Variants in ANLN observed in about 807,000 individuals in gnomAD.
The protein encoded by ANLN is anillin.
ANLN carries 59 observed loss-of-function variants against 135.1 expected under a neutral mutation model. The ratio of observed to expected loss-of-function variants is 0.44; its 90% CI spans 0.35 to 0.54. The LOEUF is 0.54. Among genes scored for constraint, ANLN ranks in the 20% least tolerant of loss-of-function variants. The pLI, the probability that ANLN is intolerant of heterozygous loss-of-function variation, is 0.00. For missense variants in ANLN, 1,182 were observed against 1,340.0 expected (o/e 0.88, Z 1.84); for synonymous variants, 406 against 456.4 (o/e 0.89, Z 1.41).
chr7:36,449,532 C>T, intron 22 of ANLN, 133 bp from the exon 23 acceptor site: 2 of 642,602 alleles, frequency 3.1e-6, no homozygotes, highest in Admixed American at 3.4e-5. Context: ...TTCTCTAAGC[C>T]CAGTGTAACT....
chr7:36,442,642 A>T (rs535111226), intron 21 of ANLN, among the ~76,000 whole-genome samples: 2 of 151,546 alleles, frequency 1.3e-5, no homozygotes, highest in East Asian at 1.9e-4. Flanking sequence ...ATTTTTATAT[A>T]TTTTTTTGAG....
At chr7:36,431,594 TGTGTATATATATATATATATATA>T (rs1404546749) in intron 20 of ANLN, among the ~76,000 whole-genome samples, 5 of 16,494 alleles carry the variant, frequency 3.0e-4, no homozygotes, top group African/African-American at 5.3e-4. Flanking sequence ...TGTGTGTGTG[TGTGTATATATATATATATATATA>T]ATATATATAT....
intron 9 of ANLN, among the ~76,000 whole-genome samples, chr7:36,417,674 CTTTTTTT>C (rs70977138): frequency 1.6e-4 from 16 of 97,276 alleles, no homozygotes; most frequent in East Asian, 8.6e-4. Flanking sequence ...CTCAAACTTC[CTTTTTTT>C]TTTTTTTTTT....
At chr7:36,445,161 C>CTTTTTTTTTTTTTTTTTTT (rs70977145) in intron 22 of ANLN, among the ~76,000 whole-genome samples, 3 of 57,784 alleles carry the variant, frequency 5.2e-5, no homozygotes, top group African/African-American at 6.8e-5. Context: ...ATTTGGGATT[C>CTTTTTTTTTTTTTTTTTTT]TTTTTTTTTT....
At chr7:36,445,767 T>C (rs1038046887) in intron 22 of ANLN, among the ~76,000 whole-genome samples, 5 of 152,210 alleles carry the variant, frequency 3.3e-5, no homozygotes, top group Admixed American at 6.5e-5. Context: ...GTTGTAGGGT[T>C]TGCACATCTA....
At position 36,425,574 on chromosome 7, in the gene ANLN, G is replaced by A. The variant is rs550068729; in HGVS notation, c.2710-128G>A. On this transcript the variant is annotated intron_variant, in intron 17 of 23. Coordinates refer to ENST00000265748, the MANE Select transcript of ANLN (RefSeq NM_018685.5). ...CTCCCAAAGTGATGGGATTACAGGC[G>A]TGAGCCACTGCTCCCGGCTAAGAAT... 2.7e-4 allele frequency: 201 copies of A among 754,216 alleles called. 1 individual carries two copies. The highest frequency in any genetic ancestry group is 9.0e-4 in the South Asian group (47 of 52,068). 46.7% of individuals were successfully genotyped at this position (754,216 alleles called of 1,614,324 possible). A position where few individuals can be genotyped will look rare whatever the true frequency, so the allele number is the denominator to read the frequency against.
chr7:36,405,045 T>C (rs1403255250), intron 3 of ANLN, among the ~76,000 whole-genome samples: 1 of 152,244 alleles, frequency 6.6e-6, no homozygotes, highest in Admixed American at 6.5e-5. Context: ...ATACCACATA[T>C]TGACGTTTTG....
chr7:36,394,791 G>C (rs974097004), intron 1 of ANLN, among the ~76,000 whole-genome samples: 2 of 152,120 alleles, frequency 1.3e-5, no homozygotes, highest in Admixed American at 1.3e-4. Flanking sequence ...GAGTATGCAA[G>C]GCAGTAATAA....
intron 3 of ANLN, among the ~76,000 whole-genome samples, chr7:36,400,652 G>A (rs573582674): frequency 3.3e-5 from 5 of 152,194 alleles, no homozygotes; most frequent in Non-Finnish European, 4.4e-5. Flanking sequence ...ATGAGCCACC[G>A]CATCCAGCAG....
chr7:36,441,373 G>A (rs1000970703), intron 21 of ANLN, among the ~76,000 whole-genome samples: 4 of 152,160 alleles, frequency 2.6e-5, no homozygotes, highest in East Asian at 1.9e-4. Flanking sequence ...TGGATTCCCC[G>A]ACATAACTTC....
At chr7:36,427,871 A>C (rs1788151764) in intron 20 of ANLN, among the ~76,000 whole-genome samples, 1 of 152,158 alleles carries the variant, frequency 6.6e-6, no homozygotes, top group Non-Finnish European at 1.5e-5. Context: ...GAGTAAGACA[A>C]CTAGAGGCAA....
At chr7:36,451,309 T>C (rs1789233336) in intron 23 of ANLN, among the ~76,000 whole-genome samples, 1 of 152,166 alleles carries the variant, frequency 6.6e-6, no homozygotes, top group Admixed American at 6.5e-5. Context: ...TGATCTCTAC[T>C]GCATACTTCA....
intron 20 of ANLN, among the ~76,000 whole-genome samples, chr7:36,427,405 C>T (rs76574253): frequency 0.038 from 5,793 of 152,044 alleles, 156 homozygotes; most frequent in Middle Eastern, 0.065. Flanking sequence ...GACAGGGTCT[C>T]ACTCTGTCAC....
intron 3 of ANLN, among the ~76,000 whole-genome samples, chr7:36,403,079 T>G (rs1787026783): frequency 6.6e-6 from 1 of 152,106 alleles, no homozygotes; most frequent in Non-Finnish European, 1.5e-5. Flanking sequence ...ATCGCGCCAT[T>G]ACATTCCAGC....
intron 19 of ANLN, 30 bp from the exon 20 acceptor site, chr7:36,426,886 A>G (rs1432122988): frequency 1.4e-6 from 2 of 1,425,586 alleles, no homozygotes; most frequent in Non-Finnish European, 1.9e-6. Context: ...AGTCATTCTG[A>G]ACTAAACTTA....
chr7:36,390,368 C>T (rs1314219607), intron 1 of ANLN: 9 of 399,116 alleles, frequency 2.3e-5, no homozygotes, highest in Non-Finnish European at 4.2e-5. Flanking sequence ...GAGGCGCAGG[C>T]CTGCGGAACG....
intron 22 of ANLN, among the ~76,000 whole-genome samples, chr7:36,447,977 C>T (rs542248183): frequency 1.3e-5 from 2 of 152,210 alleles, no homozygotes; most frequent in South Asian, 2.1e-4. Flanking sequence ...CCCCTGCCAT[C>T]ACCTCATGGA....
At chr7:36,397,105 G>T (rs1051371749) in intron 2 of ANLN, among the ~76,000 whole-genome samples, 1 of 151,818 alleles carries the variant, frequency 6.6e-6, no homozygotes, top group African/African-American at 2.4e-5. Flanking sequence ...TAATACAACT[G>T]TAAAATAAAA....
chr7:36,414,164 G>T (rs746192679), intron 7 of ANLN, among the ~76,000 whole-genome samples: 3 of 152,178 alleles, frequency 2.0e-5, no homozygotes, highest in Non-Finnish European at 4.4e-5. Flanking sequence ...TGAGGGTGGC[G>T]TGCAGGTGGT....
Sources: gnomAD v4.1 joint callset for allele counts (sites outside exome capture counted in the v4.1 genomes callset) on GRCh38, gnomAD v4.1.1 for gene constraint, MANE v1.5 for transcripts, NCBI Gene and HGNC (gene_info 2026-07-23, HGNC 2026-07-21) for gene names.